HMGA2: variants seen among roughly 807,000 people sequenced by gnomAD.
HMGA2 encodes high mobility group protein HMGI-C.
Under a neutral mutation model 19.1 loss-of-function variants are expected in HMGA2, and 8 were observed. The ratio of observed to expected loss-of-function variants is 0.42; its 90% CI spans 0.25 to 0.76. HMGA2 has a LOEUF of 0.76. Among genes scored for constraint, HMGA2 ranks in the 30% least tolerant of loss-of-function variants. The pLI is 0.28. For missense variants in HMGA2, 109 were observed against 136.3 expected, an observed-to-expected ratio of 0.80 and a Z score of 1.00; for synonymous variants, 60 against 48.8, an observed-to-expected ratio of 1.23 and a Z score of -0.96.
intron 3 of HMGA2, chr12:65,881,890 G>A (rs1230063469): frequency 4.3e-6 from 3 of 702,622 alleles, no homozygotes; most frequent in Middle Eastern, 2.3e-4. Context: ...AGAGAGCCCC[G>A]GTAGGTCCCG....
intron 3 of HMGA2, among the ~76,000 whole-genome samples, chr12:65,897,915 G>T (rs1412177937): frequency 6.7e-6 from 1 of 150,114 alleles, no homozygotes; most frequent in East Asian, 2.0e-4. Context: ...GGTGAGCTGA[G>T]ATCGCGCCAT....
chr12:65,828,657 T>C (rs926449637), intron 2 of HMGA2: 2 of 163,324 alleles, frequency 1.2e-5, no homozygotes, highest in Non-Finnish European at 2.7e-5. Context: ...AAGTATACTG[T>C]TTGTTTTACA....
chr12:65,897,920 C>G (rs893574190), intron 3 of HMGA2, among the ~76,000 whole-genome samples: 1 of 150,682 alleles, frequency 6.6e-6, no homozygotes, highest in African/African-American at 2.5e-5. Context: ...GCTGAGATCG[C>G]GCCATTGCAC....
chr12:65,902,823 G>T (rs1448667500), intron 3 of HMGA2, among the ~76,000 whole-genome samples: 1 of 151,982 alleles, frequency 6.6e-6, no homozygotes, highest in Non-Finnish European at 1.5e-5. Flanking sequence ...CTCACGGTGT[G>T]GCCTAAGATA....
intron 3 of HMGA2, among the ~76,000 whole-genome samples, chr12:65,891,825 T>G (rs1873924082): frequency 6.6e-6 from 1 of 152,180 alleles, no homozygotes; most frequent in Non-Finnish European, 1.5e-5. Flanking sequence ...AATGATCATT[T>G]CTCAGGAGTA....
intron 2 of HMGA2, among the ~76,000 whole-genome samples, chr12:65,835,259 A>G (rs1339152821): frequency 6.6e-6 from 1 of 152,232 alleles, no homozygotes; most frequent in Non-Finnish European, 1.5e-5. Flanking sequence ...AGCATTAAAC[A>G]CAGGAAAACA....
chr12:65,853,816 T>G (rs2120937165), intron 3 of HMGA2, among the ~76,000 whole-genome samples: 1 of 152,306 alleles, frequency 6.6e-6, no homozygotes. Context: ...TCTCTGGATC[T>G]CAAATAGAAA....
At chr12:65,856,183 C>A (rs1053401447) in intron 3 of HMGA2, 3 of 152,178 alleles carry the variant, frequency 2.0e-5, no homozygotes, top group Non-Finnish European at 4.4e-5. Flanking sequence ...TGGCTTGAGG[C>A]AAATGGAAGA....
At chr12:65,842,037 T>C in intron 3 of HMGA2, 1 of 1,238,936 alleles carries the variant, frequency 8.1e-7, no homozygotes, top group Non-Finnish European at 1.0e-6. Flanking sequence ...TTCAGATCTA[T>C]TGTTTTTATG....
Position 65,915,234 on chromosome 12 carries a change from A to T in HMGA2, c.250-36149A>T, listed in dbSNP as rs184805212. The T allele has an allele frequency of 5.1e-6, 8 of 1,580,420 alleles. No individual in the cohort carries two copies. In the African/African-American group the frequency reaches 9.4e-5, roughly 19 times the overall value. ...ATGTGTGGCTTTCTCCGATATAGAAACCTATCAGGTGTCTTTTAGATCATT... is the reference window on the plus strand; with the variant it reads ...ATGTGTGGCTTTCTCCGATATAGAATCCTATCAGGTGTCTTTTAGATCATT... On this transcript the variant is annotated intron_variant, in intron 3 of 4. Coordinates refer to ENST00000403681, the MANE Select transcript of HMGA2 (RefSeq NM_003483.6).
At chr12:65,862,476 G>A (rs1872153467) in intron 3 of HMGA2, among the ~76,000 whole-genome samples, 1 of 152,044 alleles carries the variant, frequency 6.6e-6, no homozygotes, top group Non-Finnish European at 1.5e-5. Flanking sequence ...AGTAATTGAG[G>A]AAAAACTAAA....
At chr12:65,929,474 A>G (rs142860348) in intron 3 of HMGA2, among the ~76,000 whole-genome samples, 33 of 151,144 alleles carry the variant, frequency 2.2e-4, no homozygotes, top group African/African-American at 7.7e-4. Context: ...ATATACATAC[A>G]TATGTATGTA....
rs111809380 is a variant in HMGA2 at position 65,923,936 on chromosome 12, C to T, written c.250-27447C>T. Among the ~76,000 whole-genome samples the T allele has an allele frequency of 3.6e-3, 541 of 152,100 alleles. 3 individuals carry two copies. The highest frequency in any genetic ancestry group is 0.012 in the African/African-American group (510 of 41,500). ...AGGTAAGAGAATCGCTTGCACCTGG[C>T]GGGGCGGAGGTTGCAGTGAGCCAAG... is the stretch of plus-strand genomic sequence containing the variant. On this transcript the variant is annotated intron_variant, in intron 3 of 4. Transcript: ENST00000403681.
At chr12:65,903,943 G>C (rs1490005628) in intron 3 of HMGA2, among the ~76,000 whole-genome samples, 1 of 152,246 alleles carries the variant, frequency 6.6e-6, no homozygotes, top group Non-Finnish European at 1.5e-5. Context: ...TGATTTCCTA[G>C]TGGAGATAAA....
intron 3 of HMGA2, among the ~76,000 whole-genome samples, chr12:65,888,554 CTTTT>C (rs1180942808): frequency 4.9e-5 from 2 of 40,576 alleles, no homozygotes; most frequent in East Asian, 2.2e-3. Flanking sequence ...GTGGTGTGCT[CTTTT>C]TTTTTTTTTT....
intron 3 of HMGA2, among the ~76,000 whole-genome samples, chr12:65,931,571 G>A (rs1472408744): frequency 1.3e-5 from 2 of 151,750 alleles, no homozygotes; most frequent in African/African-American, 2.4e-5. Flanking sequence ...GTGTGTGTGT[G>A]TGTGTGTGTG....
chr12:65,873,202 C>T (rs748529427), intron 3 of HMGA2, among the ~76,000 whole-genome samples: 2 of 152,168 alleles, frequency 1.3e-5, no homozygotes, highest in Non-Finnish European at 1.5e-5. Context: ...TCTCATCTAT[C>T]TTTGTATTTT....
rs141078288 is a variant in HMGA2 at position 65,834,531 on chromosome 12, CTCCT to C, written c.199-3982_199-3979del. On this transcript the variant is annotated intron_variant, in intron 2 of 4. Coordinates refer to ENST00000403681, the MANE Select transcript of HMGA2 (RefSeq NM_003483.6). The stretch of plus-strand genomic sequence containing the variant: ...CTTGCCCTCCCTCCCTCCCTTCTTC[CTCCT>C]TCCTTTTTTTCCTTCCTTCCTTCTT... Among the ~76,000 whole-genome samples the C allele has an allele frequency of 8.3e-3, 1,235 of 148,042 alleles. 21 individuals carry two copies. The highest frequency in any genetic ancestry group is 0.03 in the African/African-American group (1,188 of 40,084).
intron 2 of HMGA2, among the ~76,000 whole-genome samples, chr12:65,836,367 A>C (rs1201915711): frequency 6.6e-6 from 1 of 151,226 alleles, no homozygotes; most frequent in East Asian, 1.9e-4. Flanking sequence ...TCAAAAAGAA[A>C]AAAAAAAAAA....
Sources: allele counts gnomAD v4.1 joint callset (sites outside exome capture counted in the v4.1 genomes callset), GRCh38; gene constraint gnomAD v4.1.1; transcripts MANE v1.5; gene names NCBI Gene and HGNC (gene_info 2026-07-23, HGNC 2026-07-21).